The following FMN1 variants were observed in gnomAD, a reference collection of about 807,000 sequenced individuals.
FMN1 encodes formin 1, also known as formin-1.
In FMN1, 110 loss-of-function variants were observed where a neutral mutation model predicts 132.4. The observed-to-expected ratio is 0.83, with a 90% CI of 0.71 to 0.97. FMN1 has a LOEUF of 0.97. Among genes scored for constraint, FMN1 ranks in the 50% least tolerant of loss-of-function variants. The probability of loss-of-function intolerance (pLI) is 0.00; values close to 1 mark genes in which losing one functional copy is unlikely to be tolerated. For synonymous variants in FMN1, 722 were observed against 651.7 expected (o/e 1.11, Z -1.64); for missense variants, 1,792 against 1,705.3 (o/e 1.05, Z -0.90).
At chr15:33,185,920 T>C (rs1408282551) in intron 2 of FMN1, among the ~76,000 whole-genome samples, 2 of 152,174 alleles carry the variant, frequency 1.3e-5, no homozygotes, top group Non-Finnish European at 2.9e-5. Context: ...TTCATGCCTA[T>C]TGAATTCTAT....
intron 9 of FMN1, among the ~76,000 whole-genome samples, chr15:32,933,068 T>C (rs1446348519): frequency 2.0e-5 from 3 of 152,062 alleles, no homozygotes; most frequent in East Asian, 3.8e-4. Flanking sequence ...CCATGAAGTG[T>C]AGAGTCAGGT....
At chr15:32,934,922 TTTTTC>T (rs1296645924) in intron 9 of FMN1, among the ~76,000 whole-genome samples, 11 of 147,426 alleles carry the variant, frequency 7.5e-5, no homozygotes, top group Non-Finnish European at 1.6e-4. Context: ...ACAATTTTTC[TTTTTC>T]TTTTTTTTTT....
chr15:33,045,741 G>T (rs773589162), intron 6 of FMN1, among the ~76,000 whole-genome samples: 2 of 152,172 alleles, frequency 1.3e-5, no homozygotes, highest in African/African-American at 4.8e-5. Flanking sequence ...TACTGCAGGG[G>T]TTGAAAAGTT....
At chr15:32,887,007 C>A (rs2059911735) in intron 16 of FMN1, among the ~76,000 whole-genome samples, 1 of 149,426 alleles carries the variant, frequency 6.7e-6, no homozygotes, top group Non-Finnish European at 1.5e-5. Flanking sequence ...AGAAAAAAAA[C>A]CCACGTTCCT....
chr15:33,080,843 C>T (rs987018017), intron 5 of FMN1, among the ~76,000 whole-genome samples: 9 of 151,474 alleles, frequency 5.9e-5, no homozygotes, highest in Admixed American at 2.0e-4. Context: ...GCTGAGATCG[C>T]GCCATTGCAC....
chr15:32,979,423 G>C (rs1378234419), intron 7 of FMN1, among the ~76,000 whole-genome samples: 1 of 151,948 alleles, frequency 6.6e-6, no homozygotes, highest in African/African-American at 2.4e-5. Flanking sequence ...GGGCGTGGTG[G>C]TGGGTGCCTG....
chr15:32,868,957 T>C (rs78324235), intron 16 of FMN1, among the ~76,000 whole-genome samples: 2,037 of 152,186 alleles, frequency 0.013, 28 homozygotes, highest in African/African-American at 0.047. Flanking sequence ...GATGGAACGC[T>C]GGGTATAGGC....
chr15:32,966,606 C>A (rs770928917), intron 8 of FMN1, among the ~76,000 whole-genome samples: 1 of 152,056 alleles, frequency 6.6e-6, no homozygotes, highest in Non-Finnish European at 1.5e-5. Context: ...ACGAAAGAGA[C>A]ACCCAAGAAG....
chr15:32,952,872 G>A (rs1033937279), intron 9 of FMN1, among the ~76,000 whole-genome samples: 3 of 152,160 alleles, frequency 2.0e-5, no homozygotes, highest in Admixed American at 6.5e-5. Flanking sequence ...GCGAAGGGAG[G>A]GATCAAAATG....
intron 7 of FMN1, among the ~76,000 whole-genome samples, chr15:32,971,981 T>C (rs1433807431): frequency 6.6e-6 from 1 of 152,192 alleles, no homozygotes; most frequent in East Asian, 1.9e-4. Flanking sequence ...TTGTTTAGTG[T>C]AGTGGGCAGA....
intron 6 of FMN1, among the ~76,000 whole-genome samples, chr15:33,014,262 T>C (rs1224173795): frequency 6.6e-6 from 1 of 152,242 alleles, no homozygotes; most frequent in Non-Finnish European, 1.5e-5. Flanking sequence ...ATGTGTCTTG[T>C]TAGTGGCAGC....
intron 7 of FMN1, among the ~76,000 whole-genome samples, chr15:32,979,885 T>C (rs76745684): frequency 0.073 from 11,132 of 152,204 alleles, 832 homozygotes; most frequent in African/African-American, 0.19. Context: ...TTTTTGCAAG[T>C]AAGCAAGGAG....
Position 32,819,728 on chromosome 15 carries a change from A to T in FMN1, c.3929-15396T>A, listed in dbSNP as rs7174816. 4.2e-3 allele frequency among the ~76,000 whole-genome samples: 645 copies of T among 152,272 alleles called. 7 individuals are homozygous for T. The highest frequency in any genetic ancestry group is 0.015 in the African/African-American group (608 of 41,568). ...AAATATGGTCAAAAGTTGGGCATTT[A>T]GGATCTAACTTTATAAAAAAGAAAG... On this transcript the variant is annotated intron_variant, in intron 17 of 20. Transcript: ENST00000616417.
intron 6 of FMN1, chr15:33,012,697 G>A (rs1566824060): frequency 7.5e-6 from 6 of 794,906 alleles, no homozygotes; most frequent in South Asian, 1.3e-5. Flanking sequence ...CAGCCAAAGA[G>A]GACATAGTAG....
At chr15:32,959,063 AG>A (rs1405832565) in intron 9 of FMN1, among the ~76,000 whole-genome samples, 7 of 150,212 alleles carry the variant, frequency 4.7e-5, no homozygotes, top group Non-Finnish European at 8.9e-5. Context: ...AAAAAAAAAA[AG>A]ACATTCATAT....
chr15:33,127,427 G>C (rs1214688433), intron 4 of FMN1, among the ~76,000 whole-genome samples: 1 of 152,152 alleles, frequency 6.6e-6, no homozygotes, highest in Non-Finnish European at 1.5e-5. Context: ...CTATTTCCTT[G>C]AGTTAATGAG....
intron 4 of FMN1, among the ~76,000 whole-genome samples, chr15:33,121,548 T>C (rs984135331): frequency 7.2e-5 from 11 of 152,194 alleles, no homozygotes; most frequent in African/African-American, 2.7e-4. Context: ...TGTTTTGTTT[T>C]TTAGATAGTC....
chr15:32,859,332 C>T (rs571447327), intron 16 of FMN1, among the ~76,000 whole-genome samples: 4 of 152,284 alleles, frequency 2.6e-5, no homozygotes, highest in Admixed American at 2.6e-4. Flanking sequence ...TATTTAAGGC[C>T]TTTTCCATTA....
chr15:32,970,619 A>G (rs944538114), intron 7 of FMN1: 1 of 152,296 alleles, frequency 6.6e-6, no homozygotes, highest in African/African-American at 2.4e-5. Flanking sequence ...TAAAGCATGC[A>G]CAAGTACAGC....
Sources: gnomAD v4.1 joint callset for allele counts (sites outside exome capture counted in the v4.1 genomes callset) on GRCh38, gnomAD v4.1.1 for gene constraint, MANE v1.5 for transcripts, NCBI Gene and HGNC (gene_info 2026-07-23, HGNC 2026-07-21) for gene names.